TAMM41: variants seen among roughly 807,000 people sequenced by gnomAD.
TAMM41 encodes the protein phosphatidate cytidylyltransferase, mitochondrial.
Under a neutral mutation model 44.1 loss-of-function variants are expected in TAMM41, and 36 were observed. That is an observed-to-expected ratio of 0.82 (90% CI 0.63 to 1.08). The LOEUF (loss-of-function observed/expected upper bound fraction) is 1.08. TAMM41 is among the 50% of genes least tolerant of loss of function. The pLI, the probability that TAMM41 is intolerant of heterozygous loss-of-function variation, is 0.00. For missense variants in TAMM41, 417 were observed against 404.3 expected (o/e 1.03, Z -0.27); for synonymous variants, 164 against 153.1 (o/e 1.07, Z -0.53).
chr3:11,830,872 A>G, intron 3 of TAMM41: 1 of 93,038 alleles, frequency 1.1e-5, no homozygotes, highest in Non-Finnish European at 1.9e-5. Context: ...CACAGTTGAG[A>G]CCCTGTCTCA....
At chr3:11,745,339 A>T in the TAMM41 span, among the ~76,000 whole-genome samples, 1 of 152,202 alleles carries the variant, frequency 6.6e-6, no homozygotes, top group African/African-American at 2.4e-5. Flanking sequence ...TCAAAAAATA[A>T]ATCAATAAAA....
At chr3:11,724,329 C>T in the TAMM41 span, among the ~76,000 whole-genome samples, 1 of 152,096 alleles carries the variant, frequency 6.6e-6, no homozygotes, top group African/African-American at 2.4e-5. Flanking sequence ...TCTCAAACTC[C>T]TGACCTCAGG....
chr3:11,764,255 C>G, the TAMM41 span, among the ~76,000 whole-genome samples: 3 of 151,954 alleles, frequency 2.0e-5, no homozygotes, highest in East Asian at 5.8e-4. Flanking sequence ...TTCAGCCTCC[C>G]AAAGTGCTGG....
chr3:11,725,422 TCTTTCC>T, the TAMM41 span, among the ~76,000 whole-genome samples: 8 of 83,290 alleles, frequency 9.6e-5, no homozygotes, highest in African/African-American at 1.5e-4. Flanking sequence ...TTCTTCTTCT[TCTTTCC>T]TCCTCCTCCT....
In TAMM41 at chr3:11,810,853, C is replaced by A. The variant is rs1172282290; in HGVS notation, c.709-1171G>T. On this transcript the variant is annotated intron_variant, in intron 5 of 7. Transcript: ENST00000455809. ...CTGAGGCAGGAGAATTGCTTGAGCACAAAAATTCAACATCAGCCCTAGCAA... is the reference window on the plus strand; with the variant it reads ...CTGAGGCAGGAGAATTGCTTGAGCAAAAAAATTCAACATCAGCCCTAGCAA... The A allele has an allele frequency of 9.3e-5, 14 of 150,374 alleles. No individual in the cohort carries two copies. The Admixed American group carries it at 9.3e-4, about 10-fold the overall frequency. The allele number at this position is 150,374 out of a possible 1,614,324, so 9.3% of individuals were successfully genotyped here. A position where few individuals can be genotyped will look rare whatever the true frequency, so the allele number is the denominator to read the frequency against.
the TAMM41 span, among the ~76,000 whole-genome samples, chr3:11,776,015 A>T: frequency 2.4e-5 from 2 of 82,144 alleles, no homozygotes; most frequent in Non-Finnish European, 4.1e-5. Flanking sequence ...TTAATTAATT[A>T]ATTTTTTTTT....
At chr3:11,757,590 G>C in the TAMM41 span, among the ~76,000 whole-genome samples, 1 of 152,174 alleles carries the variant, frequency 6.6e-6, no homozygotes, top group East Asian at 1.9e-4. Context: ...CTGGGAGTGC[G>C]TCACCATGAT....
At chr3:11,730,607 G>A in the TAMM41 span, among the ~76,000 whole-genome samples, 3 of 151,012 alleles carry the variant, frequency 2.0e-5, no homozygotes, top group Non-Finnish European at 4.4e-5. Flanking sequence ...GGCGGTGGGC[G>A]CCTGTAATCC....
At chr3:11,806,883 T>A (rs944350153) in intron 7 of TAMM41, among the ~76,000 whole-genome samples, 3 of 152,072 alleles carry the variant, frequency 2.0e-5, no homozygotes, top group African/African-American at 7.2e-5. Flanking sequence ...AGAATCAGAT[T>A]GGCTTTAGAC....
the TAMM41 span, among the ~76,000 whole-genome samples, chr3:11,763,690 C>G: frequency 1.3e-5 from 2 of 152,166 alleles, no homozygotes; most frequent in African/African-American, 4.8e-5. Context: ...AATTTCATAC[C>G]AAACCAATTA....
chr3:11,739,773 A>G, the TAMM41 span, among the ~76,000 whole-genome samples: 1 of 151,746 alleles, frequency 6.6e-6, no homozygotes, highest in Non-Finnish European at 1.5e-5. Context: ...CACTGCACCA[A>G]CTCTGGACCT....
intron 6 of TAMM41, chr3:11,808,140 G>A: frequency 2.1e-6 from 2 of 973,948 alleles, no homozygotes; most frequent in Non-Finnish European, 2.8e-6. Flanking sequence ...ACAGCTCTGT[G>A]CCTCTTCCCC....
At chr3:11,751,477 C>A in the TAMM41 span, among the ~76,000 whole-genome samples, 1 of 152,182 alleles carries the variant, frequency 6.6e-6, no homozygotes, top group Non-Finnish European at 1.5e-5. Context: ...GAGCCAAATG[C>A]CTCGGGAGGT....
At chr3:11,765,419 C>T in the TAMM41 span, among the ~76,000 whole-genome samples, 11 of 152,244 alleles carry the variant, frequency 7.2e-5, no homozygotes, top group Non-Finnish European at 1.2e-4. Flanking sequence ...GTAAATACTA[C>T]GATGTTCTTT....
chr3:11,768,413 C>T, the TAMM41 span, among the ~76,000 whole-genome samples: 1 of 152,210 alleles, frequency 6.6e-6, no homozygotes, highest in Non-Finnish European at 1.5e-5. Context: ...GTTTGGATTA[C>T]AGGCGTGAGC....
At chr3:11,760,526 G>T in the TAMM41 span, among the ~76,000 whole-genome samples, 1 of 149,628 alleles carries the variant, frequency 6.7e-6, no homozygotes, top group Non-Finnish European at 1.5e-5. Flanking sequence ...ATTCCTTAGA[G>T]GACTGTAAGT....
intron 4 of TAMM41, among the ~76,000 whole-genome samples, chr3:11,824,213 C>A (rs1559303027): frequency 6.6e-6 from 1 of 150,900 alleles, no homozygotes; most frequent in African/African-American, 2.4e-5. Context: ...TTTTTTTAGA[C>A]AGAGTCTCAC....
intron 7 of TAMM41, among the ~76,000 whole-genome samples, chr3:11,796,900 C>T (rs1161784829): frequency 6.6e-6 from 1 of 152,068 alleles, no homozygotes; most frequent in Admixed American, 6.6e-5. Context: ...AGAACGCAAC[C>T]CCATTCACAA....
At chr3:11,762,077 A>C in the TAMM41 span, among the ~76,000 whole-genome samples, 1 of 152,018 alleles carries the variant, frequency 6.6e-6, no homozygotes, top group Non-Finnish European at 1.5e-5. Flanking sequence ...CATGCCTGTC[A>C]CTGAGTAAAA....
Sources: gnomAD v4.1 joint callset for allele counts (sites outside exome capture counted in the v4.1 genomes callset) on GRCh38, gnomAD v4.1.1 for gene constraint, MANE v1.5 for transcripts, NCBI Gene and HGNC (gene_info 2026-07-23, HGNC 2026-07-21) for gene names.